ZNF587: variants seen among roughly 807,000 people sequenced by gnomAD.
ZNF587 encodes zinc finger protein 587.
A neutral mutation model predicts 7.5 loss-of-function variants in ZNF587; 8 were observed. That is an observed-to-expected ratio of 1.06 (90% CI 0.62 to 1.92). ZNF587 has a LOEUF of 1.92. Ranked by LOEUF, ZNF587 falls within the 40% of genes most tolerant of loss-of-function variation. The pLI is 0.00. For missense variants in ZNF587, 468 were observed against 692.8 expected (o/e 0.68, Z 3.64); for synonymous variants, 145 against 237.8 (o/e 0.61, Z 3.59).
In ZNF587 at chr19:57,849,993, G is replaced by A. The variant is rs1332599592; in HGVS notation, c.-46G>A. On this transcript the variant is annotated 5_prime_UTR_variant, in exon 1 of 3. It adds an upstream start codon to the 5' untranslated region. Coordinates refer to ENST00000339656, the MANE Select transcript of ZNF587 (RefSeq NM_032828.4). The stretch of plus-strand genomic sequence containing the variant: ...TGCCCAGAGGCGGCTCTGCAGCCCC[G>A]TGACGGCGACCACTGCTCCCGGGCC... 6 of 1,613,906 alleles carry A rather than the reference G, an allele frequency of 3.7e-6. No individual in the cohort carries two copies. In the African/African-American group the frequency reaches 5.3e-5, roughly 14 times the overall value.
At chr19:57,854,810 G>A (rs1020947110) in intron 1 of ZNF587, among the ~76,000 whole-genome samples, 5 of 151,950 alleles carry the variant, frequency 3.3e-5, no homozygotes, top group East Asian at 3.9e-4. Flanking sequence ...AGAGGCCAAG[G>A]CTGGTGGATC....
intron 2 of ZNF587, chr19:57,856,988 C>T (rs1481272688): frequency 2.6e-5 from 4 of 152,024 alleles, no homozygotes; most frequent in Non-Finnish European, 5.9e-5. Context: ...TTGCAAGACC[C>T]TGCTTAGGAA....
chr19:57,855,067 C>G (rs1352876640), intron 1 of ZNF587, among the ~76,000 whole-genome samples: 1 of 151,970 alleles, frequency 6.6e-6, no homozygotes, highest in Admixed American at 6.6e-5. Flanking sequence ...ACCTGTAGTC[C>G]CAGCTACTCG....
rs2071452252 is a variant in ZNF587, at chr19:57,862,812, C to T, written c.*2672C>T. On this transcript the variant is annotated 3_prime_UTR_variant, in exon 3 of 3. Transcript: ENST00000339656. ...ACCTCCTCAACTTCCCTGAGGGCTG[C>T]CTAGAATCTGTTTCCTCTCACTCTG... 6.5e-6 allele frequency: 1 copy of T among 154,986 alleles called. No individual in the cohort carries two copies. The highest frequency in any genetic ancestry group is 1.5e-5 in the Non-Finnish European group (1 of 68,230). 9.6% of individuals were successfully genotyped at this position (154,986 alleles called of 1,614,324 possible).
Position 57,862,321 on chromosome 19 carries a change from A to C in ZNF587, c.*2181A>C, listed in dbSNP as rs1009426999. The stretch of plus-strand genomic sequence containing the variant: ...TTTGTAGAAACAAGAACTTTATGTT[A>C]TCCAAGTTCTAGGATAGCCATGAGC... On this transcript the variant is annotated 3_prime_UTR_variant, in exon 3 of 3. Coordinates refer to ENST00000339656, the MANE Select transcript of ZNF587 (RefSeq NM_032828.4). The C allele has an allele frequency of 6.6e-6, 1 of 152,214 alleles. No homozygotes were observed. The highest frequency in any genetic ancestry group is 1.5e-5 in the Non-Finnish European group (1 of 68,032). The allele number at this position is 152,214 out of a possible 1,614,324, so 9.4% of individuals were successfully genotyped here. A position where few individuals can be genotyped will look rare whatever the true frequency, so the allele number is the denominator to read the frequency against.
In ZNF587 at chr19:57,860,313, G is replaced by C. The variant is rs1282120628; in HGVS notation, c.*173G>C. 7.6e-7 allele frequency: 1 copy of C among 1,309,368 alleles called. No individual in the cohort carries two copies. Among genetic ancestry groups the C allele is most frequent in the African/African-American group, 1.5e-5 (1 of 67,796 alleles). The allele number at this position is 1,309,368 out of a possible 1,614,324, so 81.1% of individuals were successfully genotyped here. On this transcript the variant is annotated 3_prime_UTR_variant, in exon 3 of 3. Coordinates refer to ENST00000339656, the MANE Select transcript of ZNF587 (RefSeq NM_032828.4). The stretch of plus-strand genomic sequence containing the variant: ...AGATGGAGTCTTGTTCTGTCACCCA[G>C]GCTGGAGTGCAGTGGTGCAGTCTTG...
At chr19:57,855,687 G>A (rs1034509376) in intron 1 of ZNF587, among the ~76,000 whole-genome samples, 1 of 150,816 alleles carries the variant, frequency 6.6e-6, no homozygotes, top group Non-Finnish European at 1.5e-5. Flanking sequence ...TCAGCCTCCC[G>A]AGTAGCTGGG....
rs547058496 is a variant in ZNF587, at chr19:57,857,571, CAT to C, written c.164-1004_164-1003del. ...TGTACTCATGTTTTCTTGGTCTTCA[CAT>C]GTTTCTATATATATATAGATGTATA... On this transcript the variant is annotated intron_variant, in intron 2 of 2. Transcript: ENST00000339656. 1.3e-3 allele frequency among the ~76,000 whole-genome samples: 194 copies of C among 151,824 alleles called. 3 individuals carry two copies. Among genetic ancestry groups the C allele is most frequent in the East Asian group, 3.5e-3 (18 of 5,184 alleles).
rs2071479533 is a variant in ZNF587 at position 57,864,405 on chromosome 19, T to TA, written c.*4266dup. ...CCTCGGCCTCCTAAAGTGCTGGGATTACAGGCATCTGCCACCGCACTCGGC... is the reference window on the plus strand; with the variant it reads ...CCTCGGCCTCCTAAAGTGCTGGGATTAACAGGCATCTGCCACCGCACTCGGC... On this transcript the variant is annotated 3_prime_UTR_variant, in exon 3 of 3. Coordinates refer to ENST00000339656, the MANE Select transcript of ZNF587 (RefSeq NM_032828.4). The TA allele has an allele frequency of 6.6e-6, 1 of 152,042 alleles. No individual in the cohort carries two copies. Among genetic ancestry groups the TA allele is most frequent in the Admixed American group, 6.6e-5 (1 of 15,252 alleles). 9.4% of individuals were successfully genotyped at this position (152,042 alleles called of 1,614,324 possible). A position where few individuals can be genotyped will look rare whatever the true frequency, so the allele number is the denominator to read the frequency against.
At chr19:57,853,940 G>C (rs1219803647) in intron 1 of ZNF587, 1 of 152,126 alleles carries the variant, frequency 6.6e-6, no homozygotes, top group African/African-American at 2.4e-5. Context: ...ATTTTCGGTA[G>C]AGACAGGGTT....
chr19:57,855,960 A>T, intron 1 of ZNF587, 144 bp from the exon 2 acceptor site: 1 of 1,406,828 alleles, frequency 7.1e-7, no homozygotes. Context: ...AGGCCCATGA[A>T]GAGACAAAGG....
rs1342143454 is a variant in ZNF587 at position 57,860,364 on chromosome 19, G to C, written c.*224G>C. On this transcript the variant is annotated 3_prime_UTR_variant, in exon 3 of 3. Transcript: ENST00000339656. ...GCTCGCTGCAACTTGGGCCTCCTGG[G>C]TTCATGCAATCCTCCTACCTCAGCC... is the stretch of plus-strand genomic sequence containing the variant. 1 of 726,936 alleles carries C rather than the reference G, an allele frequency of 1.4e-6. No homozygotes were observed. The highest frequency in any genetic ancestry group is 1.8e-5 in the African/African-American group (1 of 56,212). 45.0% of individuals were successfully genotyped at this position (726,936 alleles called of 1,614,324 possible).
At position 57,864,977 on chromosome 19, in the gene ZNF587, A is replaced by G. The variant is rs1446867513; in HGVS notation, c.*4837A>G. On this transcript the variant is annotated 3_prime_UTR_variant, in exon 3 of 3. Coordinates refer to ENST00000339656, the MANE Select transcript of ZNF587 (RefSeq NM_032828.4). ...TTCTCCATAAACTACAGTTTATATA[A>G]GCAAAAGTTTCAGTACTAAGCAATT... is the stretch of plus-strand genomic sequence containing the variant. 6.6e-6 allele frequency: 1 copy of G among 152,246 alleles called. No individual in the cohort carries two copies. The highest frequency in any genetic ancestry group is 2.4e-5 in the African/African-American group (1 of 41,464). 9.4% of individuals were successfully genotyped at this position (152,246 alleles called of 1,614,324 possible).
intron 1 of ZNF587, 199 bp from the exon 2 acceptor site, chr19:57,855,905 C>G: frequency 2.2e-6 from 2 of 902,368 alleles, no homozygotes; most frequent in Non-Finnish European, 1.7e-6. Flanking sequence ...AGCATGGATA[C>G]CTATTTGTCC....
At chr19:57,852,428 G>C (rs2071292001) in intron 1 of ZNF587, 2 of 398,716 alleles carry the variant, frequency 5.0e-6, no homozygotes, top group Non-Finnish European at 4.4e-6. Flanking sequence ...CAGAGATAAG[G>C]CTCCTGCCAT....
At chr19:57,850,201 A>G (rs528032011) in intron 1 of ZNF587, 130 bp downstream of exon 1, 1 of 1,552,614 alleles carries the variant, frequency 6.4e-7, no homozygotes, top group African/African-American at 1.4e-5. Flanking sequence ...CGCTCACAGG[A>G]GGCCTCTCCT....
rs769069218 is a variant in ZNF587 at position 57,860,301 on chromosome 19, TTC to T, written c.*163_*164del. 1.4e-6 allele frequency: 2 copies of T among 1,399,740 alleles called. No individual in the cohort carries two copies. The highest frequency in any genetic ancestry group is 4.1e-5 in the Admixed American group (2 of 48,614). 86.7% of individuals were successfully genotyped at this position (1,399,740 alleles called of 1,614,324 possible). Reference sequence around the variant, plus strand: ...GACTTCGTGTTGAGATGGAGTCTTGTTCTGTCACCCAGGCTGGAGTGCAGTGG... The same window carrying T: ...GACTTCGTGTTGAGATGGAGTCTTGTTGTCACCCAGGCTGGAGTGCAGTGG... On this transcript the variant is annotated 3_prime_UTR_variant, in exon 3 of 3. Transcript: ENST00000339656.
In ZNF587 at chr19:57,863,179, C is replaced by T. The variant is rs1013728341; in HGVS notation, c.*3039C>T. Reference sequence around the variant, plus strand: ...TTGCCCAGGTTGGAGTGCCGTGTCGCAATCTCAGCTCACTGCAACTTCTAC... The same window carrying T: ...TTGCCCAGGTTGGAGTGCCGTGTCGTAATCTCAGCTCACTGCAACTTCTAC... On this transcript the variant is annotated 3_prime_UTR_variant, in exon 3 of 3. Coordinates refer to ENST00000339656, the MANE Select transcript of ZNF587 (RefSeq NM_032828.4). 3 of 152,238 alleles carry T rather than the reference C, an allele frequency of 2.0e-5. No homozygotes were observed. The highest frequency in any genetic ancestry group is 7.2e-5 in the African/African-American group (3 of 41,454). The allele number at this position is 152,238 out of a possible 1,614,324, so 9.4% of individuals were successfully genotyped here.
intron 2 of ZNF587, among the ~76,000 whole-genome samples, chr19:57,856,679 AT>A (rs1347248377): frequency 1.3e-5 from 2 of 151,612 alleles, no homozygotes; most frequent in Non-Finnish European, 2.9e-5. Flanking sequence ...AAGTGCTGGG[AT>A]TATAGGCGTG....
Sources: allele counts gnomAD v4.1 joint callset (sites outside exome capture counted in the v4.1 genomes callset), GRCh38; gene constraint gnomAD v4.1.1; transcripts MANE v1.5; gene names NCBI Gene and HGNC (gene_info 2026-07-23, HGNC 2026-07-21).